EFNA5: variants seen among roughly 807,000 people sequenced by gnomAD.
The protein encoded by EFNA5 is ephrin-A5.
In EFNA5, 5 loss-of-function variants were observed where a neutral mutation model predicts 22.9. That is an observed-to-expected ratio of 0.22 (90% confidence interval 0.11 to 0.46). The LOEUF is 0.46. Ranked by LOEUF, EFNA5 falls within the 20% of genes least tolerant of loss-of-function variation. The probability of loss-of-function intolerance (pLI) is 0.99; values close to 1 mark genes in which losing one functional copy is unlikely to be tolerated. For synonymous variants in EFNA5, 113 were observed against 112.2 expected (o/e 1.01, Z -0.04); for missense variants, 237 against 293.3 (o/e 0.81, Z 1.40).
chr5:107,594,037 T>C (rs975706387), intron 1 of EFNA5, among the ~76,000 whole-genome samples: 22 of 152,226 alleles, frequency 1.4e-4, no homozygotes, highest in Non-Finnish European at 2.5e-4. Context: ...TGTTCTCTCA[T>C]TCCTTTTCAT....
intron 1 of EFNA5, among the ~76,000 whole-genome samples, chr5:107,475,682 C>A (rs2112391087): frequency 6.6e-6 from 1 of 152,238 alleles, no homozygotes; most frequent in African/African-American, 2.4e-5. Flanking sequence ...CAGCAACATT[C>A]TTACCCTGCA....
intron 2 of EFNA5, among the ~76,000 whole-genome samples, chr5:107,419,899 T>G (rs1463652510): frequency 6.6e-6 from 1 of 152,198 alleles, no homozygotes; most frequent in Non-Finnish European, 1.5e-5. Context: ...TATCGAGTGT[T>G]TCATTGTCAG....
intron 1 of EFNA5, among the ~76,000 whole-genome samples, chr5:107,497,516 G>A (rs1747018284): frequency 6.6e-6 from 1 of 152,160 alleles, no homozygotes; most frequent in African/African-American, 2.4e-5. Context: ...TGATTAAATG[G>A]GAACCTGTCT....
intron 1 of EFNA5, among the ~76,000 whole-genome samples, chr5:107,448,816 T>A (rs1749465487): frequency 1.3e-5 from 2 of 149,710 alleles, no homozygotes; most frequent in South Asian, 4.3e-4. Flanking sequence ...GGTGACAGTG[T>A]GAAACTCTGT....
intron 1 of EFNA5, among the ~76,000 whole-genome samples, chr5:107,445,174 C>T (rs934307701): frequency 3.3e-5 from 5 of 152,026 alleles, no homozygotes; most frequent in Non-Finnish European, 7.4e-5. Context: ...AGGCATCCAC[C>T]GTCACACTCG....
At chr5:107,576,918 C>A (rs1015664530) in intron 1 of EFNA5, among the ~76,000 whole-genome samples, 2 of 152,168 alleles carry the variant, frequency 1.3e-5, no homozygotes, top group Non-Finnish European at 2.9e-5. Flanking sequence ...ACCCCTCCAC[C>A]CCATGAAGGT....
chr5:107,436,209 C>G (rs933680444), intron 1 of EFNA5, among the ~76,000 whole-genome samples: 1 of 152,190 alleles, frequency 6.6e-6, no homozygotes, highest in Non-Finnish European at 1.5e-5. Flanking sequence ...GTTCTCTCCT[C>G]CAGTGTTGTA....
intron 1 of EFNA5, among the ~76,000 whole-genome samples, chr5:107,623,027 CAAAAAAAAAAAAAAAA>C (rs61689503): frequency 4.7e-4 from 14 of 29,888 alleles, no homozygotes; most frequent in Admixed American, 6.7e-4. Context: ...GACTCCGTCT[CAAAAAAAAAAAAAAAA>C]AAAAAAAAAA....
rs1561359797 is a variant in EFNA5, at chr5:107,378,697, TA to T, written c.*2557del. The stretch of plus-strand genomic sequence containing the variant: ...AATTTGCAGTGGCAGAATGGTGAAG[TA>T]AAGGGGTCTAATTTCACTGTGAAAA... On this transcript the variant is annotated 3_prime_UTR_variant, in exon 5 of 5. Transcript: ENST00000333274. 1 of 152,094 alleles carries T rather than the reference TA, an allele frequency of 6.6e-6. No individual in the cohort carries two copies. Among genetic ancestry groups the T allele is most frequent in the Non-Finnish European group, 1.5e-5 (1 of 68,014 alleles). 9.4% of individuals were successfully genotyped at this position (152,094 alleles called of 1,614,324 possible). A position where few individuals can be genotyped will look rare whatever the true frequency, so the allele number is the denominator to read the frequency against.
At chr5:107,507,952 G>A (rs1747286378) in intron 1 of EFNA5, among the ~76,000 whole-genome samples, 1 of 152,166 alleles carries the variant, frequency 6.6e-6, no homozygotes, top group Non-Finnish European at 1.5e-5. Context: ...TGCTTAGAAA[G>A]GCCAGGAAAG....
chr5:107,648,532 T>G (rs2112550720), intron 1 of EFNA5, among the ~76,000 whole-genome samples: 1 of 152,296 alleles, frequency 6.6e-6, no homozygotes, highest in Non-Finnish European at 1.5e-5. Flanking sequence ...GCTCTTCTTT[T>G]TCTTCTTTTG....
intron 1 of EFNA5, among the ~76,000 whole-genome samples, chr5:107,639,312 A>G (rs1271049233): frequency 6.6e-6 from 1 of 152,236 alleles, no homozygotes; most frequent in African/African-American, 2.4e-5. Context: ...TGCTTAAACA[A>G]TAGTGCTAGC....
At chr5:107,658,617 C>T (rs1341878793) in intron 1 of EFNA5, among the ~76,000 whole-genome samples, 3 of 152,096 alleles carry the variant, frequency 2.0e-5, no homozygotes, top group Non-Finnish European at 4.4e-5. Flanking sequence ...AAAAGTTCAG[C>T]GCAAATACAA....
At chr5:107,482,860 CTCTCTCTCTCTATA>C (rs1416125286) in intron 1 of EFNA5, among the ~76,000 whole-genome samples, 149 of 87,842 alleles carry the variant, frequency 1.7e-3, no homozygotes, top group Middle Eastern at 0.016. Flanking sequence ...CTCTCTCTCT[CTCTCTCTCTCTATA>C]TATATATATA....
chr5:107,431,039 G>C (rs1748942988), intron 1 of EFNA5, among the ~76,000 whole-genome samples: 1 of 152,136 alleles, frequency 6.6e-6, no homozygotes, highest in South Asian at 2.1e-4. Context: ...CTCCCGAAGT[G>C]CTGGGATTAC....
At chr5:107,492,962 C>T (rs1194723040) in intron 1 of EFNA5, among the ~76,000 whole-genome samples, 2 of 149,552 alleles carry the variant, frequency 1.3e-5, no homozygotes, top group African/African-American at 2.5e-5. Context: ...CACGCCACTG[C>T]ACTCCAGCCT....
At chr5:107,569,751 C>G (rs1027886378) in intron 1 of EFNA5, among the ~76,000 whole-genome samples, 3 of 145,254 alleles carry the variant, frequency 2.1e-5, no homozygotes, top group Admixed American at 1.4e-4. Context: ...ACTTGGGAGG[C>G]TGAGGCAGGA....
At chr5:107,651,043 A>T (rs199694478) in intron 1 of EFNA5, among the ~76,000 whole-genome samples, 3 of 152,304 alleles carry the variant, frequency 2.0e-5, no homozygotes, top group East Asian at 3.9e-4. Context: ...TCATATTAGC[A>T]TATAGTCCCT....
In EFNA5 at chr5:107,427,161, A is replaced by T. The variant is rs893172628; in HGVS notation, c.418+56T>A. The stretch of plus-strand genomic sequence containing the variant: ...GCAATTCTCTGAAACATGGGTAAAA[A>T]ATTAGTCTGGGTTCTTGCAGCTGCC... On this transcript the variant is annotated intron_variant, in intron 2 of 4. Coordinates refer to ENST00000333274, the MANE Select transcript of EFNA5 (RefSeq NM_001962.3). 6 of 1,597,968 alleles carry T rather than the reference A, an allele frequency of 3.8e-6. No homozygotes were observed. In the African/African-American group the frequency reaches 4.0e-5, roughly 11 times the overall value.
Sources: gnomAD v4.1 joint callset for allele counts (sites outside exome capture counted in the v4.1 genomes callset) on GRCh38, gnomAD v4.1.1 for gene constraint, MANE v1.5 for transcripts, NCBI Gene and HGNC (gene_info 2026-07-23, HGNC 2026-07-21) for gene names.